Variants in ANGPT1 observed in about 807,000 individuals in gnomAD.
The protein encoded by ANGPT1 is angiopoietin 1, also known as angiopoietin-1.
Under a neutral mutation model 62.2 loss-of-function variants are expected in ANGPT1, and 17 were observed. That is an observed-to-expected ratio of 0.27 (90% CI 0.19 to 0.41). The LOEUF (loss-of-function observed/expected upper bound fraction) is 0.41. Ranked by LOEUF, ANGPT1 falls within the 10% of genes least tolerant of loss-of-function variation. The pLI, the probability that ANGPT1 is intolerant of heterozygous loss-of-function variation, is 1.00. For missense variants in ANGPT1, 478 were observed against 594.9 expected (o/e 0.80, Z 2.04); for synonymous variants, 199 against 198.9 (o/e 1.00, Z 0.00).
At chr8:107,467,510 A>C (rs1188776436) in intron 1 of ANGPT1, among the ~76,000 whole-genome samples, 2 of 152,094 alleles carry the variant, frequency 1.3e-5, no homozygotes, top group African/African-American at 4.8e-5. Flanking sequence ...TCACCTGAAG[A>C]AACCTGGGGA....
chr8:107,394,424 GC>G (rs1457740060), intron 1 of ANGPT1, among the ~76,000 whole-genome samples: 1 of 152,160 alleles, frequency 6.6e-6, no homozygotes, highest in Non-Finnish European at 1.5e-5. Context: ...CAGACAGAAG[GC>G]CAGGAGGTTC....
intron 1 of ANGPT1, among the ~76,000 whole-genome samples, chr8:107,406,422 T>G (rs1817149132): frequency 6.6e-6 from 1 of 151,968 alleles, no homozygotes; most frequent in Admixed American, 6.6e-5. Flanking sequence ...TGGCCTAGAT[T>G]TAGAAATCTT....
chr8:107,329,431 T>C (rs1815367990), intron 3 of ANGPT1, among the ~76,000 whole-genome samples: 1 of 152,086 alleles, frequency 6.6e-6, no homozygotes, highest in African/African-American at 2.4e-5. Context: ...TAGAATGGCC[T>C]GTGCAAATGC....
At chr8:107,481,101 T>C (rs1305891280) in intron 1 of ANGPT1, among the ~76,000 whole-genome samples, 1 of 152,202 alleles carries the variant, frequency 6.6e-6, no homozygotes, top group Non-Finnish European at 1.5e-5. Context: ...AGAGTCCTTC[T>C]TCACAACCAC....
intron 1 of ANGPT1, among the ~76,000 whole-genome samples, chr8:107,387,547 G>A (rs1256357025): frequency 6.6e-6 from 1 of 151,912 alleles, no homozygotes; most frequent in Non-Finnish European, 1.5e-5. Flanking sequence ...TAGACTATTT[G>A]TAATAGTAAT....
intron 1 of ANGPT1, among the ~76,000 whole-genome samples, chr8:107,365,256 T>G (rs1230524489): frequency 6.6e-6 from 1 of 152,202 alleles, no homozygotes; most frequent in East Asian, 1.9e-4. Context: ...CAAAGCACAT[T>G]TATTCATATG....
At chr8:107,341,755 A>C (rs1315641705) in intron 2 of ANGPT1, among the ~76,000 whole-genome samples, 1 of 151,922 alleles carries the variant, frequency 6.6e-6, no homozygotes, top group Non-Finnish European at 1.5e-5. Flanking sequence ...AACTGTGGGT[A>C]GAAATAACTC....
At chr8:107,496,620 G>T (rs1040198324) in intron 1 of ANGPT1, among the ~76,000 whole-genome samples, 7 of 152,024 alleles carry the variant, frequency 4.6e-5, no homozygotes, top group Non-Finnish European at 8.8e-5. Context: ...ACCCCTTTCC[G>T]ACAGTTAACA....
chr8:107,411,435 T>A (rs1370419660), intron 1 of ANGPT1, among the ~76,000 whole-genome samples: 1 of 152,066 alleles, frequency 6.6e-6, no homozygotes, highest in South Asian at 2.1e-4. Context: ...CATCATTCAA[T>A]GAAATTGATA....
intron 1 of ANGPT1, among the ~76,000 whole-genome samples, chr8:107,425,756 A>G (rs958337938): frequency 6.6e-6 from 1 of 152,242 alleles, no homozygotes; most frequent in African/African-American, 2.4e-5. Flanking sequence ...AACTTGCATA[A>G]GAAAGCCAAA....
At chr8:107,494,503 G>A (rs1156846378) in intron 1 of ANGPT1, 1 of 152,154 alleles carries the variant, frequency 6.6e-6, no homozygotes, top group African/African-American at 2.4e-5. Flanking sequence ...TATGATGTTA[G>A]GCATATTATT....
chr8:107,370,192 A>AGAG (rs1816356996), intron 1 of ANGPT1, among the ~76,000 whole-genome samples: 1 of 73,006 alleles, frequency 1.4e-5, no homozygotes, highest in South Asian at 4.5e-4. Flanking sequence ...AGAAAGAAAG[A>AGAG]AAAAAAGAAA....
intron 1 of ANGPT1, among the ~76,000 whole-genome samples, chr8:107,421,215 A>G (rs1253157936): frequency 3.3e-5 from 5 of 152,194 alleles, no homozygotes; most frequent in Admixed American, 6.6e-5. Context: ...AAAATGTATA[A>G]CCTTCATTTT....
At chr8:107,276,640 A>G (rs949160756) in intron 7 of ANGPT1, among the ~76,000 whole-genome samples, 3 of 143,660 alleles carry the variant, frequency 2.1e-5, no homozygotes, top group Admixed American at 7.1e-5. Flanking sequence ...AAAAAAAAAA[A>G]TGGATTGGGG....
intron 2 of ANGPT1, among the ~76,000 whole-genome samples, chr8:107,341,552 ATAT>A (rs1489769432): frequency 1.3e-5 from 2 of 148,766 alleles, no homozygotes; most frequent in Non-Finnish European, 3.0e-5. Context: ...TATATAATTA[ATAT>A]TATATAACTA....
At chr8:107,376,243 C>T (rs1816528190) in intron 1 of ANGPT1, among the ~76,000 whole-genome samples, 2 of 152,144 alleles carry the variant, frequency 1.3e-5, no homozygotes, top group African/African-American at 4.8e-5. Flanking sequence ...ATTTTAAATT[C>T]ATAACTCTTG....
chr8:107,443,653 A>AC (rs1474999446), intron 1 of ANGPT1, among the ~76,000 whole-genome samples: 2 of 151,420 alleles, frequency 1.3e-5, no homozygotes, highest in Admixed American at 1.3e-4. Flanking sequence ...TACTAAAAAA[A>AC]AAAAAAAAAT....
At chr8:107,322,775 C>A in intron 3 of ANGPT1, 1 of 268,152 alleles carries the variant, frequency 3.7e-6, no homozygotes, top group Non-Finnish European at 7.3e-6. Context: ...AGAAAATGCT[C>A]AAAATATGTT....
intron 1 of ANGPT1, among the ~76,000 whole-genome samples, chr8:107,412,239 G>T (rs1810602363): frequency 6.6e-6 from 1 of 152,250 alleles, no homozygotes; most frequent in South Asian, 2.1e-4. Context: ...GACCTAAATT[G>T]CATGTCCATA....
Sources: allele counts gnomAD v4.1 joint callset (sites outside exome capture counted in the v4.1 genomes callset), GRCh38; gene constraint gnomAD v4.1.1; transcripts MANE v1.5; gene names NCBI Gene and HGNC (gene_info 2026-07-23, HGNC 2026-07-21).